SART1: variants seen among roughly 807,000 people sequenced by gnomAD.
SART1 encodes the protein U4/U6.U5 tri-snRNP-associated protein 1.
SART1 carries 28 observed loss-of-function variants against 105.0 expected under a neutral mutation model. That is an observed-to-expected ratio of 0.27 (90% CI 0.20 to 0.37). The LOEUF is 0.37. Among genes scored for constraint, SART1 ranks in the 10% least tolerant of loss-of-function variants. SART1 has a pLI of 1.00. For synonymous variants in SART1, 472 were observed against 462.9 expected (o/e 1.02, Z -0.25); for missense variants, 894 against 1,106.5 (o/e 0.81, Z 2.72).
At chr11:65,971,994 G>A (rs1328614123) in intron 12 of SART1, among the ~76,000 whole-genome samples, 2 of 151,988 alleles carry the variant, frequency 1.3e-5, no homozygotes, top group Admixed American at 6.6e-5. Flanking sequence ...CTCTATCTCA[G>A]CTCACTGCAA....
chr11:65,965,525 G>A, intron 5 of SART1, 78 bp downstream of exon 5: 1 of 1,444,332 alleles, frequency 6.9e-7, no homozygotes, highest in Non-Finnish European at 9.5e-7. Context: ...GCCAACCCCA[G>A]AGAGGTGAGA....
chr11:65,978,510 C>T lies in SART1; in HGVS notation c.2173-90C>T. ...CAGGCCTGGCATTGGGGTCAATCAA[C>T]ACCCGCCCTGTTATTATACACCTTG... On this transcript the variant is annotated intron_variant, in intron 17 of 19. Coordinates refer to ENST00000312397, the MANE Select transcript of SART1 (RefSeq NM_005146.5). The surrounding 1 kb of genome is among the most constrained non-coding windows in gnomAD (Gnocchi z 6.8). The T allele has an allele frequency of 3.8e-6, 5 of 1,299,930 alleles. No homozygotes were observed. The highest frequency in any genetic ancestry group is 3.3e-6 in the Non-Finnish European group (3 of 922,800). The allele number at this position is 1,299,930 out of a possible 1,614,324, so 80.5% of individuals were successfully genotyped here. A position where few individuals can be genotyped will look rare whatever the true frequency, so the allele number is the denominator to read the frequency against.
At chr11:65,962,865 T>C (rs1250576286) in intron 1 of SART1, among the ~76,000 whole-genome samples, 2 of 151,994 alleles carry the variant, frequency 1.3e-5, no homozygotes, top group East Asian at 3.9e-4. Context: ...TCAGCACTTG[T>C]ATGAGGGTGG....
chr11:65,968,530 A>G (rs572109410), intron 12 of SART1, among the ~76,000 whole-genome samples: 17 of 152,248 alleles, frequency 1.1e-4, no homozygotes, highest in African/African-American at 3.9e-4. Context: ...GCACTCAGTA[A>G]ACCAAGATAA....
chr11:65,973,654 A>G (rs756661190), intron 12 of SART1, among the ~76,000 whole-genome samples: 10 of 152,190 alleles, frequency 6.6e-5, no homozygotes, highest in Non-Finnish European at 1.3e-4. Flanking sequence ...GAGTGTGCCC[A>G]TGTGCACCAG....
chr11:65,976,492 C>G lies in SART1; in HGVS notation c.1670C>G (p.Ser557Cys). ...RKGAIVFNATSEFCRTLGEIP... is the reference protein window; with the variant it reads ...RKGAIVFNATCEFCRTLGEIP... ...GGGGCCATCGTGTTCAACGCCACGT[C>G]CGAGTTCTGCCGCACCTTGGGGGAG... Residue 557 changes from serine to cysteine, a missense_variant, in exon 13 of 20, where the codon TCC (serine) becomes TGC (cysteine). Physicochemically the swap from Ser to Cys is moderately radical, Grantham distance 112. Coordinates refer to ENST00000312397, the MANE Select transcript of SART1 (RefSeq NM_005146.5). This position sits in a 1 kb window ranked among gnomAD's most constrained non-coding sequence, Gnocchi z 5.1. 6.3e-7 allele frequency: 1 copy of G among 1,583,072 alleles called. No homozygotes were observed. The highest frequency in any genetic ancestry group is 8.6e-7 in the Non-Finnish European group (1 of 1,164,362).
intron 12 of SART1, among the ~76,000 whole-genome samples, chr11:65,968,420 G>A (rs942445549): frequency 1.3e-5 from 2 of 152,180 alleles, no homozygotes; most frequent in Admixed American, 1.3e-4. Flanking sequence ...GGGGCCCTGG[G>A]CTCATGGAGC....
At chr11:65,972,815 G>A (rs1032015478) in intron 12 of SART1, among the ~76,000 whole-genome samples, 1 of 150,716 alleles carries the variant, frequency 6.6e-6, no homozygotes, top group African/African-American at 2.4e-5. Context: ...GAAACCCACA[G>A]GTTCCATGGG....
rs1855261326 is a variant in SART1 at position 65,966,507 on chromosome 11, G to A, written c.1139G>A (p.Ser380Asn). The A allele has an allele frequency of 1.3e-6, 2 of 1,590,146 alleles. No homozygotes were observed. Among genetic ancestry groups the A allele is most frequent in the Non-Finnish European group, 1.7e-6 (2 of 1,167,984 alleles). Reference sequence around the variant, plus strand: ...CTGCGGCTGCAGGCTCAGTCCCTGAGCACAGTGGGGCCCCGGCTGGCCTCC... The same window carrying A: ...CTGCGGCTGCAGGCTCAGTCCCTGAACACAGTGGGGCCCCGGCTGGCCTCC... ...AKLRLQAQSL[S>N]TVGPRLASEY... Residue 380 changes from serine (S) to asparagine (N), a missense_variant, in exon 9 of 20, where the codon AGC becomes AAC. By Grantham distance (46) the Ser-to-Asn change is conservative. Coordinates refer to ENST00000312397, the MANE Select transcript of SART1 (RefSeq NM_005146.5).
At chr11:65,971,207 AGC>A (rs1565315725) in intron 12 of SART1, among the ~76,000 whole-genome samples, 18 of 1,654 alleles carry the variant, frequency 0.011, no homozygotes, top group East Asian at 0.06. Context: ...GGGATTCATG[AGC>A]TGCTGAGGAG....
In SART1 at chr11:65,961,757, C is replaced by T; in HGVS notation, c.-24C>T. The T allele has an allele frequency of 1.4e-6, 2 of 1,470,854 alleles. No individual in the cohort carries two copies. The highest frequency in any genetic ancestry group is 1.8e-6 in the Non-Finnish European group (2 of 1,116,256). The allele number at this position is 1,470,854 out of a possible 1,614,324, so 91.1% of individuals were successfully genotyped here. On this transcript the variant is annotated 5_prime_UTR_variant, in exon 1 of 20. Transcript: ENST00000312397. ...TGCGTTGTCTGGGCTCGGCGGCAGCCGGGCTCGGAGTGGACGTGCCACTAT... is the reference window on the plus strand; with the variant it reads ...TGCGTTGTCTGGGCTCGGCGGCAGCTGGGCTCGGAGTGGACGTGCCACTAT...
chr11:65,966,362 T>C lies in SART1; in HGVS notation c.994T>C (p.Ser332Pro). 6.2e-7 allele frequency: 1 copy of C among 1,613,994 alleles called. No homozygotes were observed. Among genetic ancestry groups the C allele is most frequent in the Non-Finnish European group, 8.5e-7 (1 of 1,180,030 alleles). ...TCTTGCCTTGCAGCAAAAACCTCGC[T>C]CTATCCTGTCCAAGTATGACGAAGA... ...VDDLAQQKPRSILSKYDEELE... is the reference protein window; with the variant it reads ...VDDLAQQKPRPILSKYDEELE... Residue 332 changes from serine to proline, a missense_variant, in exon 9 of 20, where the codon TCT becomes CCT. Ser to Pro is a moderately conservative substitution (Grantham distance 74, BLOSUM62 -1). Transcript: ENST00000312397.
At chr11:65,977,442 T>A in intron 15 of SART1, 121 bp from the exon 16 acceptor site, 1 of 818,196 alleles carries the variant, frequency 1.2e-6, no homozygotes, top group Non-Finnish European at 2.1e-6. Context: ...AGAACAGGCC[T>A]GATGGCTTTC....
At chr11:65,962,278 G>A (rs1361689395) in intron 1 of SART1, among the ~76,000 whole-genome samples, 185 bp downstream of exon 1, 2 of 152,218 alleles carry the variant, frequency 1.3e-5, no homozygotes, top group Non-Finnish European at 2.9e-5. Flanking sequence ...GCAGTGAGCT[G>A]CGGTCCCGCC....
At position 65,965,485 on chromosome 11, in the gene SART1, T is replaced by C. The variant is rs1855231322; in HGVS notation, c.660+38T>C. On this transcript the variant is annotated intron_variant, in intron 5 of 19. Transcript: ENST00000312397. ...GCAGCATGGGGTGGTCGCCTAGTGC[T>C]TCTGGTGGCCTGACGGCACTGAGGC... 3 of 1,536,632 alleles carry C rather than the reference T, an allele frequency of 2.0e-6. No homozygotes were observed. In the South Asian group the frequency reaches 3.6e-5, roughly 18 times the overall value.
chr11:65,978,255 G>C lies in SART1; in HGVS notation c.2173-345G>C, dbSNP rs9326363. 1 allele frequency: 488,616 copies of C among 488,708 alleles called. 244,262 individuals are homozygous for C. Among genetic ancestry groups the C allele is most frequent in the Middle Eastern group, 1 (1,786 of 1,786 alleles). The allele number at this position is 488,708 out of a possible 1,614,324, so 30.3% of individuals were successfully genotyped here. A position where few individuals can be genotyped will look rare whatever the true frequency, so the allele number is the denominator to read the frequency against. ...CAGCACTCTCGTAGGCCGCCCGACCGTCCTGCCCTACCACTCAGCTGCCCC... is the reference window on the plus strand; with the variant it reads ...CAGCACTCTCGTAGGCCGCCCGACCCTCCTGCCCTACCACTCAGCTGCCCC... On this transcript the variant is annotated intron_variant, in intron 17 of 19. Coordinates refer to ENST00000312397, the MANE Select transcript of SART1 (RefSeq NM_005146.5). This position sits in a 1 kb window ranked among gnomAD's most constrained non-coding sequence, Gnocchi z 6.8.
rs770875008 is a variant in SART1, at chr11:65,977,002, C to T, written c.1858-12C>T. On this transcript the variant is annotated splice_polypyrimidine_tract_variant and intron_variant, in intron 14 of 19. Coordinates refer to ENST00000312397, the MANE Select transcript of SART1 (RefSeq NM_005146.5). ...TATGGCCTGCTAACCACCCCCGCCACGTGTCCCGTAGTTCTCTGCTTCCTC... is the reference window on the plus strand; with the variant it reads ...TATGGCCTGCTAACCACCCCCGCCATGTGTCCCGTAGTTCTCTGCTTCCTC... 20 of 1,610,964 alleles carry T rather than the reference C, an allele frequency of 1.2e-5. No homozygotes were observed. The East Asian group carries it at 3.1e-4, about 25-fold the overall frequency.
Position 65,964,139 on chromosome 11 carries a change from C to G in SART1, c.371+8C>G, listed in dbSNP as rs753979397. ...CAGCATCGAGGAGACTAAGTGAGTA[C>G]TGTCTCCCTTGTTTCTACTTTGTTT... On this transcript the variant is annotated splice_region_variant and intron_variant, in intron 2 of 19. Coordinates refer to ENST00000312397, the MANE Select transcript of SART1 (RefSeq NM_005146.5). The G allele has an allele frequency of 5.0e-6, 8 of 1,610,272 alleles. No homozygotes were observed. The African/African-American group carries it at 9.3e-5, about 19-fold the overall frequency.
intron 12 of SART1, among the ~76,000 whole-genome samples, chr11:65,970,474 G>A (rs940442535): frequency 2.0e-5 from 3 of 152,162 alleles, no homozygotes; most frequent in Admixed American, 1.3e-4. Context: ...GGCAGGCGGT[G>A]CTGGGGCCTA....
Sources: allele counts gnomAD v4.1 joint callset (sites outside exome capture counted in the v4.1 genomes callset), GRCh38; gene constraint gnomAD v4.1.1; non-coding constraint Gnocchi (gnomAD v3.1); transcripts MANE v1.5; gene names NCBI Gene and HGNC (gene_info 2026-07-23, HGNC 2026-07-21).